Variants in MTCH2 observed in about 807,000 individuals in gnomAD.
The protein encoded by MTCH2 is mitochondrial carrier homolog 2.
MTCH2 carries 25 observed loss-of-function variants against 50.6 expected under a neutral mutation model. The ratio of observed to expected loss-of-function variants is 0.49; its 90% CI spans 0.36 to 0.69. The LOEUF is 0.69. MTCH2 is among the 30% of genes least tolerant of loss of function. MTCH2 has a pLI of 0.00. For missense variants in MTCH2, 273 were observed against 384.4 expected (o/e 0.71, Z 2.42); for synonymous variants, 106 against 132.0 (o/e 0.80, Z 1.35).
intron 11 of MTCH2, among the ~76,000 whole-genome samples, chr11:47,625,043 G>A (rs780859280): frequency 3.3e-5 from 5 of 152,066 alleles, no homozygotes; most frequent in Non-Finnish European, 7.4e-5. Context: ...GAGCGAGACT[G>A]CACCACTGCA....
At chr11:47,635,417 C>T in intron 4 of MTCH2, 128 bp downstream of exon 4, 4 of 1,044,696 alleles carry the variant, frequency 3.8e-6, no homozygotes, top group Admixed American at 2.1e-5. Flanking sequence ...TGGTGGCCAC[C>T]CCATAGGACA....
intron 5 of MTCH2, among the ~76,000 whole-genome samples, chr11:47,633,618 C>A (rs2097305731): frequency 6.9e-6 from 1 of 143,980 alleles, no homozygotes; most frequent in Non-Finnish European, 1.5e-5. Flanking sequence ...CTCATTACAA[C>A]CTCTGCCTCC....
rs757945073 is a variant in MTCH2, at chr11:47,635,513, GC to G, written c.306+31del. ...AGCAGTAACAACTTGCAAGGGAAAG[GC>G]CCTCATGCTTAGAAATCAGCTCCAA... On this transcript the variant is annotated intron_variant, in intron 4 of 12. Coordinates refer to ENST00000302503, the MANE Select transcript of MTCH2 (RefSeq NM_014342.4). The G allele has an allele frequency of 6.5e-5, 104 of 1,610,574 alleles. 1 individual carries two copies. The South Asian group carries it at 1.1e-3, about 18-fold the overall frequency.
At chr11:47,624,467 T>C (rs1204625116) in intron 11 of MTCH2, among the ~76,000 whole-genome samples, 1 of 152,196 alleles carries the variant, frequency 6.6e-6, no homozygotes, top group Non-Finnish European at 1.5e-5. Flanking sequence ...ATCCCTGATA[T>C]ACCTTTTGTC....
chr11:47,620,305 C>A (rs2097292156), intron 12 of MTCH2, among the ~76,000 whole-genome samples: 1 of 151,480 alleles, frequency 6.6e-6, no homozygotes, highest in Admixed American at 6.6e-5. Flanking sequence ...AAACAAAAAA[C>A]AAAAAACAAA....
chr11:47,638,738 C>G lies in MTCH2; in HGVS notation c.240G>C (p.Ser80=). Residue 80 remains serine (S), a synonymous_variant, in exon 3 of 13, where the codon TCG becomes TCC. Transcript: ENST00000302503. ...CATGGACCACAGTTCCAAGGACTCC[C>G]GAACACAGTCTTGGAGTTAAGCCTG... ...LFTGLTPRLC[S]GVLGTVVHGK... 1 of 1,609,824 alleles carries G rather than the reference C, an allele frequency of 6.2e-7. No individual in the cohort carries two copies.
chr11:47,633,537 T>A (rs1343226548), intron 5 of MTCH2, among the ~76,000 whole-genome samples: 43 of 105,824 alleles, frequency 4.1e-4, no homozygotes, highest in African/African-American at 1.1e-3. Context: ...TTTTTTTTTT[T>A]TTTTTTTTTT....
intron 8 of MTCH2, chr11:47,629,419 T>G: frequency 4.4e-6 from 1 of 229,690 alleles, no homozygotes; most frequent in South Asian, 6.2e-5. Flanking sequence ...TATCTGATAT[T>G]CATATTTGGC....
rs1266031727 is a variant in MTCH2, at chr11:47,629,095, C to CA, written c.540-50dup. On this transcript the variant is annotated intron_variant, in intron 8 of 12. Coordinates refer to ENST00000302503, the MANE Select transcript of MTCH2 (RefSeq NM_014342.4). ...AAGAACCAAAAAATGTGATCAGTAA[C>CA]ATGACAGGCTCTTCAGTACAAATGT... 3 of 1,417,704 alleles carry CA rather than the reference C, an allele frequency of 2.1e-6. No individual in the cohort carries two copies. The Admixed American group carries it at 5.6e-5, about 26-fold the overall frequency. 87.8% of individuals were successfully genotyped at this position (1,417,704 alleles called of 1,614,324 possible). A position where few individuals can be genotyped will look rare whatever the true frequency, so the allele number is the denominator to read the frequency against.
chr11:47,636,492 G>A (rs753137030), intron 3 of MTCH2, among the ~76,000 whole-genome samples: 18 of 150,670 alleles, frequency 1.2e-4, no homozygotes, highest in Middle Eastern at 3.6e-3. Flanking sequence ...AGCACTTTGC[G>A]TGGCTGAGGC....
intron 4 of MTCH2, 85 bp downstream of exon 4, chr11:47,635,460 T>C (rs1355023127): frequency 1.4e-6 from 2 of 1,452,368 alleles, no homozygotes; most frequent in Middle Eastern, 1.7e-4. Flanking sequence ...GACTGACTAC[T>C]TGGCTTTTCT....
chr11:47,625,927 C>T (rs1375451803), intron 10 of MTCH2, among the ~76,000 whole-genome samples, 186 bp from the exon 11 acceptor site: 1 of 152,182 alleles, frequency 6.6e-6, no homozygotes, highest in Non-Finnish European at 1.5e-5. Flanking sequence ...TAGCACACCA[C>T]TGCATCCAAC....
Position 47,642,519 on chromosome 11 carries a change from G to A in MTCH2, c.-54C>T, listed in dbSNP as rs1253626078. On this transcript the variant is annotated 5_prime_UTR_variant, in exon 1 of 13. Transcript: ENST00000302503. ...AGACGGAGCCACCAAGCGACCCGGTGAGCCGGTCCTAGGTCACGTGCCAGG... is the reference window on the plus strand; with the variant it reads ...AGACGGAGCCACCAAGCGACCCGGTAAGCCGGTCCTAGGTCACGTGCCAGG... 22 of 1,517,266 alleles carry A rather than the reference G, an allele frequency of 1.4e-5. No individual in the cohort carries two copies. The highest frequency in any genetic ancestry group is 2.5e-5 in the East Asian group (1 of 39,600). The allele number at this position is 1,517,266 out of a possible 1,614,324, so 94.0% of individuals were successfully genotyped here. A position where few individuals can be genotyped will look rare whatever the true frequency, so the allele number is the denominator to read the frequency against.
chr11:47,612,557 C>CCAT (rs1241420721), downstream of MTCH2, among the ~76,000 whole-genome samples: 1 of 151,346 alleles, frequency 6.6e-6, no homozygotes, highest in Non-Finnish European at 1.5e-5. Flanking sequence ...GGGCAAGACT[C>CCAT]CATCTCAAAA....
chr11:47,635,454 G>T, intron 4 of MTCH2, 91 bp downstream of exon 4: 1 of 1,392,204 alleles, frequency 7.2e-7, no homozygotes, highest in Non-Finnish European at 1.0e-6. Context: ...ATAGGAGACT[G>T]ACTACTTGGC....
chr11:47,613,437 AG>A (rs144687885), downstream of MTCH2, among the ~76,000 whole-genome samples: 746 of 152,288 alleles, frequency 4.9e-3, 8 homozygotes, highest in African/African-American at 0.017. Context: ...CCATTCTGCA[AG>A]GATGTTTTAG....
rs774983894 is a variant in MTCH2 at position 47,631,049 on chromosome 11, C to A, written c.466G>T (p.Glu156Ter). ...AAAAATACTTACCAGTACTTGGATT[C>A]TCTGCCAATGAACTGTACCATAGAT... is the stretch of plus-strand genomic sequence containing the variant. ...LRSMVQFIGR[E>*]SKYCGLCDSI... Residue 156 changes from glutamate to a stop codon, truncating the protein, a stop_gained, in exon 7 of 13, where the codon GAA becomes TAA. Coordinates refer to ENST00000302503, the MANE Select transcript of MTCH2 (RefSeq NM_014342.4). LOFTEE classifies it high-confidence loss of function. 6.2e-7 allele frequency: 1 copy of A among 1,612,408 alleles called. No homozygotes were observed. Among genetic ancestry groups the A allele is most frequent in the African/African-American group, 1.3e-5 (1 of 74,986 alleles).
chr11:47,640,993 T>C (rs2097313671), intron 1 of MTCH2, among the ~76,000 whole-genome samples: 2 of 151,650 alleles, frequency 1.3e-5, no homozygotes, highest in Admixed American at 1.3e-4. Flanking sequence ...ACCTCCCGGG[T>C]TCAAGCGATT....
intron 11 of MTCH2, among the ~76,000 whole-genome samples, chr11:47,623,066 A>G (rs1383903934): frequency 6.6e-6 from 1 of 152,164 alleles, no homozygotes; most frequent in Non-Finnish European, 1.5e-5. Context: ...CAGCATTTAC[A>G]TGATTAAAGA....
Sources: allele counts gnomAD v4.1 joint callset (sites outside exome capture counted in the v4.1 genomes callset), GRCh38; gene constraint gnomAD v4.1.1; transcripts MANE v1.5; gene names NCBI Gene and HGNC (gene_info 2026-07-23, HGNC 2026-07-21).